The following OGA variants were observed in gnomAD, a reference collection of about 807,000 sequenced individuals.
OGA encodes protein O-GlcNAcase.
In OGA, 21 loss-of-function variants were observed where a neutral mutation model predicts 102.0. The observed-to-expected ratio is 0.21, with a 90% CI of 0.15 to 0.30. The LOEUF is 0.30. Among genes scored for constraint, OGA ranks in the 10% least tolerant of loss-of-function variants. The pLI is 1.00. For synonymous variants in OGA, 408 were observed against 378.2 expected, an observed-to-expected ratio of 1.08 and a Z score of -0.91; for missense variants, 765 against 1,107.8, an observed-to-expected ratio of 0.69 and a Z score of 4.39.
At chr10:101,805,221 C>T (rs993264331) in intron 6 of OGA, among the ~76,000 whole-genome samples, 1 of 152,104 alleles carries the variant, frequency 6.6e-6, no homozygotes, top group African/African-American at 2.4e-5. Flanking sequence ...ATTTTTTCTA[C>T]AGTCTCTCTA....
At chr10:101,796,622 G>C (rs192757031) in intron 10 of OGA, among the ~76,000 whole-genome samples, 1 of 151,966 alleles carries the variant, frequency 6.6e-6, no homozygotes, top group Non-Finnish European at 1.5e-5. Flanking sequence ...CCAGGCTGGA[G>C]TGCAATGGTG....
chr10:101,817,736 T>G, intron 1 of OGA, 88 bp downstream of exon 1: 1 of 1,442,240 alleles, frequency 6.9e-7, no homozygotes, highest in Non-Finnish European at 9.3e-7. Flanking sequence ...TTTCCGGCCT[T>G]TTAGAGTCTC....
intron 1 of OGA, among the ~76,000 whole-genome samples, chr10:101,816,761 TG>T (rs535127069): frequency 4.2e-4 from 64 of 152,346 alleles, no homozygotes; most frequent in African/African-American, 1.4e-3. Flanking sequence ...TGTTATGGTC[TG>T]TACCATAACC....
At chr10:101,791,197 T>G in intron 13 of OGA, 109 bp from the exon 14 acceptor site, 1 of 1,285,070 alleles carries the variant, frequency 7.8e-7, no homozygotes, top group Non-Finnish European at 1.1e-6. Flanking sequence ...GAACCTACAT[T>G]TGGTGTAAGA....
At position 101,806,718 on chromosome 10, in the gene OGA, C is replaced by T. The variant is rs1194178382; in HGVS notation, c.653-575G>A. On this transcript the variant is annotated intron_variant, in intron 5 of 15. Coordinates refer to ENST00000361464, the MANE Select transcript of OGA (RefSeq NM_012215.5). The stretch of plus-strand genomic sequence containing the variant: ...AGAATTCTGAATTGCCTACTTTTCT[C>T]AGTTACAATTAAACGCCAAACAGAA... Among the ~76,000 whole-genome samples the T allele has an allele frequency of 3.3e-5, 5 of 152,160 alleles. No individual in the cohort carries two copies. The East Asian group carries it at 9.6e-4, about 29-fold the overall frequency.
chr10:101,807,688 T>C, intron 5 of OGA, 42 bp downstream of exon 5: 2 of 1,350,560 alleles, frequency 1.5e-6, no homozygotes, highest in Non-Finnish European at 2.0e-6. Flanking sequence ...AGTTATATAT[T>C]CCAAGAAGAC....
Position 101,818,443 on chromosome 10 carries a change from G to C in OGA, c.-421C>G, listed in dbSNP as rs934842057. On this transcript the variant is annotated 5_prime_UTR_variant, in exon 1 of 16. Transcript: ENST00000361464. ...TCCACCGCCCGCTTCCTGTTTATCC[G>C]CACTGCGCTTGCGCTGCAGACCGGC... 1 of 1,005,502 alleles carries C rather than the reference G, an allele frequency of 9.9e-7. No individual in the cohort carries two copies. Among genetic ancestry groups the C allele is most frequent in the African/African-American group, 1.7e-5 (1 of 57,726 alleles). 62.3% of individuals were successfully genotyped at this position (1,005,502 alleles called of 1,614,324 possible).
At chr10:101,795,277 C>A (rs1391993100) in intron 10 of OGA, among the ~76,000 whole-genome samples, 1 of 152,180 alleles carries the variant, frequency 6.6e-6, no homozygotes, top group Non-Finnish European at 1.5e-5. Context: ...GCTGCATGTA[C>A]GAAGAGCTGT....
intron 7 of OGA, 95 bp downstream of exon 7, chr10:101,803,640 T>C: frequency 7.9e-7 from 1 of 1,261,500 alleles, no homozygotes; most frequent in South Asian, 1.5e-5. Flanking sequence ...ATAAAACTGT[T>C]TAAGTTGTGA....
chr10:101,804,775 C>T (rs1160285639), intron 6 of OGA, among the ~76,000 whole-genome samples: 3 of 151,604 alleles, frequency 2.0e-5, no homozygotes, highest in East Asian at 3.9e-4. Flanking sequence ...TTTTTTTGTA[C>T]AGATAAGGGC....
intron 10 of OGA, 62 bp downstream of exon 10, chr10:101,797,918 G>T: frequency 6.6e-7 from 1 of 1,503,802 alleles, no homozygotes; most frequent in Non-Finnish European, 9.2e-7. Flanking sequence ...TCTCCCTGTG[G>T]GATAATTTTT....
At chr10:101,808,485 C>A (rs2065504638) in intron 4 of OGA, among the ~76,000 whole-genome samples, 1 of 152,154 alleles carries the variant, frequency 6.6e-6, no homozygotes, top group Non-Finnish European at 1.5e-5. Flanking sequence ...AAAAGGCACA[C>A]TGATCCCTTT....
chr10:101,802,905 G>A (rs531457871), intron 7 of OGA, among the ~76,000 whole-genome samples: 132 of 150,410 alleles, frequency 8.8e-4, no homozygotes, highest in Non-Finnish European at 1.7e-3. Context: ...CTGGGAGGCC[G>A]AGGCAGGTGG....
At chr10:101,802,333 T>C (rs752768582) in intron 7 of OGA, among the ~76,000 whole-genome samples, 6 of 152,244 alleles carry the variant, frequency 3.9e-5, no homozygotes, top group Non-Finnish European at 7.3e-5. Context: ...CTTATCACAC[T>C]ATAGTACAAT....
chr10:101,789,588 C>CA (rs1175724057), intron 14 of OGA, among the ~76,000 whole-genome samples: 3 of 151,952 alleles, frequency 2.0e-5, no homozygotes, highest in Non-Finnish European at 4.4e-5. Flanking sequence ...AGAGAAACAA[C>CA]ATAGAAGAAA....
In OGA at chr10:101,790,914, C is replaced by T; in HGVS notation, c.2436G>A (p.Lys812=). The part of the protein sequence containing the change: ...QEKYTKPNGD[K]ELSEAEKIML... Reference sequence around the variant, plus strand: ...GTATTACCTCAGCCTCAGAGAGTTCCTTGTCACCATTTGGCTTGGTATACT... The same window carrying T: ...GTATTACCTCAGCCTCAGAGAGTTCTTTGTCACCATTTGGCTTGGTATACT... Residue 812 remains lysine, a synonymous_variant, in exon 14 of 16, where the codon AAG becomes AAA. Transcript: ENST00000361464. 6.2e-7 allele frequency: 1 copy of T among 1,609,960 alleles called. No individual in the cohort carries two copies. Among genetic ancestry groups the T allele is most frequent in the Non-Finnish European group, 8.5e-7 (1 of 1,176,916 alleles).
chr10:101,811,206 T>C lies in OGA; in HGVS notation c.350-892A>G, dbSNP rs1054445258. Among the ~76,000 whole-genome samples the C allele has an allele frequency of 4.6e-5, 7 of 151,408 alleles. 1 individual carries two copies. Among genetic ancestry groups the C allele is most frequent in the African/African-American group, 1.5e-4 (6 of 41,274 alleles). On this transcript the variant is annotated intron_variant, in intron 3 of 15. Coordinates refer to ENST00000361464, the MANE Select transcript of OGA (RefSeq NM_012215.5). ...GAGTTTGAGACCAGCCTGGTCAACA[T>C]TGTGAAACCCCATCTCTACTAAAAA...
At chr10:101,807,183 G>A (rs2065487916) in intron 5 of OGA, among the ~76,000 whole-genome samples, 2 of 152,064 alleles carry the variant, frequency 1.3e-5, no homozygotes, top group African/African-American at 2.4e-5. Flanking sequence ...TCCTGAACAA[G>A]GAAGTGTGGG....
chr10:101,788,131 A>T (rs1383382739), intron 14 of OGA, among the ~76,000 whole-genome samples: 7 of 111,190 alleles, frequency 6.3e-5, no homozygotes, highest in East Asian at 2.3e-4. Flanking sequence ...ACTCTGTCTT[A>T]AAAAAAAAAA....
Sources: gnomAD v4.1 joint callset for allele counts (sites outside exome capture counted in the v4.1 genomes callset) on GRCh38, gnomAD v4.1.1 for gene constraint, MANE v1.5 for transcripts, NCBI Gene and HGNC (gene_info 2026-07-23, HGNC 2026-07-21) for gene names.